ZNF577: variants seen among roughly 807,000 people sequenced by gnomAD.
ZNF577 encodes the protein zinc finger protein 577.
In ZNF577, 14 loss-of-function variants were observed where a neutral mutation model predicts 13.9. The observed-to-expected ratio is 1.00, with a 90% confidence interval of 0.66 to 1.57. The LOEUF (loss-of-function observed/expected upper bound fraction) is 1.57. Ranked by LOEUF, ZNF577 falls within the 40% of genes most tolerant of loss-of-function variation. The pLI is 0.00. For missense variants in ZNF577, 555 were observed against 579.2 expected (o/e 0.96, Z 0.43); for synonymous variants, 203 against 202.9 (o/e 1.00, Z 0.00).
At chr19:51,813,655 C>T (rs891825477) in intron 9 of ZNF577, among the ~76,000 whole-genome samples, 11 of 151,982 alleles carry the variant, frequency 7.2e-5, no homozygotes, top group Non-Finnish European at 1.2e-4. Flanking sequence ...CTCAGCCTCC[C>T]GAATATCTGG....
chr19:51,841,329 G>C (rs2084319571), intron 8 of ZNF577, among the ~76,000 whole-genome samples: 1 of 152,070 alleles, frequency 6.6e-6, no homozygotes, highest in African/African-American at 2.4e-5. Flanking sequence ...ATTTGCTGTA[G>C]AGCCACCACT....
At chr19:51,882,878 G>A (rs1201823443) in intron 1 of ZNF577, among the ~76,000 whole-genome samples, 1 of 152,070 alleles carries the variant, frequency 6.6e-6, no homozygotes, top group East Asian at 1.9e-4. Flanking sequence ...TCTGCTTTTG[G>A]GAGGAATGAA....
intron 9 of ZNF577, among the ~76,000 whole-genome samples, chr19:51,823,527 A>C (rs1453781165): frequency 1.3e-5 from 2 of 152,162 alleles, no homozygotes; most frequent in African/African-American, 4.8e-5. Context: ...TCAGCTTGAT[A>C]GGTGGCATGC....
intron 9 of ZNF577, among the ~76,000 whole-genome samples, chr19:51,819,102 G>A (rs963996319): frequency 5.9e-5 from 9 of 152,134 alleles, no homozygotes; most frequent in African/African-American, 2.2e-4. Context: ...AAAATGAAAG[G>A]TGAGTTCTAC....
chr19:51,820,416 T>C (rs1280248003), intron 9 of ZNF577, among the ~76,000 whole-genome samples: 1 of 152,224 alleles, frequency 6.6e-6, no homozygotes, highest in African/African-American at 2.4e-5. Flanking sequence ...CATTGGTTGA[T>C]ACACATTGGG....
At position 51,823,682 on chromosome 19, in the gene ZNF577, A is replaced by T. The variant is rs932828527; in HGVS notation, c.*600-12008T>A. ...GGAGCTACAGTGGAAGTTAATGAAT[A>T]GTTGTATTGTAAGATGGTGTCACAG... On this transcript the variant is annotated intron_variant and NMD_transcript_variant, in intron 9 of 10. Transcript: ENST00000638827. 42 of 1,294,208 alleles carry T rather than the reference A, an allele frequency of 3.2e-5. No individual in the cohort carries two copies. In the Admixed American group the frequency reaches 4.7e-4, roughly 14 times the overall value. The allele number at this position is 1,294,208 out of a possible 1,614,324, so 80.2% of individuals were successfully genotyped here.
rs2084650682 is a variant in ZNF577, at chr19:51,871,003, A to AAAGAAAAAGGGACTGTTTGGGTTGGCT, written c.*1502_*1528dup. ...TTATATACATTAGACATTTACTGTAAAAGAAAAAGGGACTGTTTGGGTTGG... is the reference window on the plus strand; with the variant it reads ...TTATATACATTAGACATTTACTGTAAAAGAAAAAGGGACTGTTTGGGTTGGCTAAGAAAAAGGGACTGTTTGGGTTGG... On this transcript the variant is annotated 3_prime_UTR_variant, in exon 6 of 6. Coordinates refer to ENST00000638348, the MANE Select transcript of ZNF577 (RefSeq NM_001370449.1). Among the ~76,000 whole-genome samples the AAAGAAAAAGGGACTGTTTGGGTTGGCT allele has an allele frequency of 6.6e-6, 1 of 152,194 alleles. No homozygotes were observed. Among genetic ancestry groups the AAAGAAAAAGGGACTGTTTGGGTTGGCT allele is most frequent in the African/African-American group, 2.4e-5 (1 of 41,454 alleles).
intron 5 of ZNF577, among the ~76,000 whole-genome samples, chr19:51,852,169 G>T (rs1462006869): frequency 6.6e-6 from 1 of 152,208 alleles, no homozygotes; most frequent in Non-Finnish European, 1.5e-5. Flanking sequence ...GATGTCTAAA[G>T]CCTTTAGCTT....
At chr19:51,845,767 T>C (rs11084124) in intron 5 of ZNF577, among the ~76,000 whole-genome samples, 151,976 of 152,340 alleles carry the variant, frequency 1, 75,806 homozygotes, top group East Asian at 1. Context: ...CATAATGTAT[T>C]CCAAGTTCAT....
chr19:51,875,089 C>T (rs1307727240), intron 5 of ZNF577, among the ~76,000 whole-genome samples: 2 of 151,982 alleles, frequency 1.3e-5, no homozygotes, highest in Non-Finnish European at 1.5e-5. Context: ...AAGAGGGTGG[C>T]CAGGCGCAGT....
intron 5 of ZNF577, among the ~76,000 whole-genome samples, chr19:51,852,082 A>C (rs2084381560): frequency 6.6e-6 from 1 of 152,158 alleles, no homozygotes; most frequent in Non-Finnish European, 1.5e-5. Context: ...GCTTCCACCC[A>C]CTGGCCTGGC....
intron 9 of ZNF577, among the ~76,000 whole-genome samples, chr19:51,813,119 A>AACACACACACACACAC (rs35245083): frequency 3.6e-5 from 5 of 137,122 alleles, no homozygotes; most frequent in Non-Finnish European, 6.4e-5. Flanking sequence ...GCTCTGTCTC[A>AACACACACACACACAC]ACACACACAC....
chr19:51,824,855 A>T lies in ZNF577; in HGVS notation c.*600-13181T>A. ...CTCTGTCTCTTTCTACCCTGCGTTA[A>T]GCGGAAAAAAAAAATTCTGACAGTG... On this transcript the variant is annotated intron_variant and NMD_transcript_variant, in intron 9 of 10. Coordinates refer to the ZNF577 transcript ENST00000638827. This position sits in a 1 kb window ranked among gnomAD's most constrained non-coding sequence, Gnocchi z 4.7. 1 of 1,455,244 alleles carries T rather than the reference A, an allele frequency of 6.9e-7. No individual in the cohort carries two copies. The highest frequency in any genetic ancestry group is 1.4e-5 in the African/African-American group (1 of 69,794). The allele number at this position is 1,455,244 out of a possible 1,614,324, so 90.1% of individuals were successfully genotyped here.
At chr19:51,837,498 C>T (rs1232967160) in intron 9 of ZNF577, among the ~76,000 whole-genome samples, 1 of 152,140 alleles carries the variant, frequency 6.6e-6, no homozygotes, top group Non-Finnish European at 1.5e-5. Context: ...TAAATTTAAG[C>T]CCAAGTAACC....
chr19:51,845,249 C>T (rs910743969), intron 5 of ZNF577, among the ~76,000 whole-genome samples: 6 of 152,112 alleles, frequency 3.9e-5, no homozygotes, highest in Non-Finnish European at 8.8e-5. Context: ...AATCCCAGCA[C>T]TTTGGGAGGC....
rs1458022191 is a variant in ZNF577 at position 51,868,210 on chromosome 19, G to A, written c.*4322C>T. Among the ~76,000 whole-genome samples the A allele has an allele frequency of 6.6e-6, 1 of 152,200 alleles. No individual in the cohort carries two copies. Among genetic ancestry groups the A allele is most frequent in the Non-Finnish European group, 1.5e-5 (1 of 68,032 alleles). On this transcript the variant is annotated 3_prime_UTR_variant, in exon 6 of 6. Coordinates refer to ENST00000638348, the MANE Select transcript of ZNF577 (RefSeq NM_001370449.1). ...TTGCTGACTTAGTCCTCAAAGCACT[G>A]CATTGTAGACACTGTTCTAGAAGCT...
intron 9 of ZNF577, among the ~76,000 whole-genome samples, chr19:51,814,192 C>T (rs913320888): frequency 6.6e-5 from 10 of 152,138 alleles, no homozygotes; most frequent in African/African-American, 1.9e-4. Context: ...CTGTTTTCTG[C>T]GTCTCCACTT....
intron 5 of ZNF577, among the ~76,000 whole-genome samples, chr19:51,853,816 C>G (rs913487733): frequency 6.6e-6 from 1 of 152,110 alleles, no homozygotes; most frequent in Non-Finnish European, 1.5e-5. Flanking sequence ...GGATTGACAT[C>G]GTGAAGGTGT....
intron 10 of ZNF577, among the ~76,000 whole-genome samples, chr19:51,806,876 A>C (rs1331585126): frequency 6.6e-6 from 1 of 152,264 alleles, no homozygotes. Flanking sequence ...CTAAATTTAC[A>C]ACATAAGCTG....
Sources: gnomAD v4.1 joint callset for allele counts (sites outside exome capture counted in the v4.1 genomes callset) on GRCh38, gnomAD v4.1.1 for gene constraint, Gnocchi (gnomAD v3.1) non-coding constraint, MANE v1.5 for transcripts, NCBI Gene and HGNC (gene_info 2026-07-23, HGNC 2026-07-21) for gene names.